The following FAF2 variants were observed in gnomAD, a reference collection of about 807,000 sequenced individuals.
FAF2 encodes Fas associated factor family member 2.
Under a neutral mutation model 62.3 loss-of-function variants are expected in FAF2, and 9 were observed. The ratio of observed to expected loss-of-function variants is 0.14; its 90% confidence interval spans 0.09 to 0.25. The LOEUF (loss-of-function observed/expected upper bound fraction) is 0.25, where lower values mean the gene tolerates loss of function less well. Among genes scored for constraint, FAF2 ranks in the 10% least tolerant of loss-of-function variants. The pLI, the probability that FAF2 is intolerant of heterozygous loss-of-function variation, is 1.00. For synonymous variants in FAF2, 202 were observed against 198.0 expected, an observed-to-expected ratio of 1.02 and a Z score of -0.17; for missense variants, 368 against 556.2, an observed-to-expected ratio of 0.66 and a Z score of 3.40.
At chr5:176,482,108 A>G (rs925536040) in intron 2 of FAF2, among the ~76,000 whole-genome samples, 1 of 152,050 alleles carries the variant, frequency 6.6e-6, no homozygotes, top group Non-Finnish European at 1.5e-5. Flanking sequence ...ATGATGTTGA[A>G]TATTTTTTCA....
chr5:176,460,782 C>T (rs1375754926), intron 1 of FAF2, among the ~76,000 whole-genome samples: 2 of 151,984 alleles, frequency 1.3e-5, no homozygotes, highest in African/African-American at 2.4e-5. Flanking sequence ...AAGACCCCAA[C>T]TGTACCAAAA....
intron 1 of FAF2, among the ~76,000 whole-genome samples, chr5:176,452,511 A>G (rs1188530704): frequency 6.6e-6 from 1 of 152,248 alleles, no homozygotes; most frequent in Non-Finnish European, 1.5e-5. Flanking sequence ...TGATTAAGCT[A>G]CTAGGTAGTG....
At chr5:176,459,270 T>TTC (rs398000012) in intron 1 of FAF2, among the ~76,000 whole-genome samples, 1 of 143,206 alleles carries the variant, frequency 7.0e-6, no homozygotes, top group Non-Finnish European at 1.5e-5. Context: ...TTTTTTTTTT[T>TTC]CTTTTTGAGA....
chr5:176,509,513 G>A lies in FAF2; in HGVS notation c.*2563G>A, dbSNP rs1477432838. The A allele has an allele frequency of 1.3e-5, 2 of 152,454 alleles. No individual in the cohort carries two copies. Among genetic ancestry groups the A allele is most frequent in the Non-Finnish European group, 2.9e-5 (2 of 68,048 alleles). 9.4% of individuals were successfully genotyped at this position (152,454 alleles called of 1,614,324 possible). A position where few individuals can be genotyped will look rare whatever the true frequency, so the allele number is the denominator to read the frequency against. ...TCCCACGACTGAAGTTGTAGATTGA[G>A]CTGAATAACCATGGGAAGTGACCAA... On this transcript the variant is annotated 3_prime_UTR_variant, in exon 11 of 11. Transcript: ENST00000261942.
chr5:176,496,620 A>G lies in FAF2; in HGVS notation c.796A>G (p.Met266Val), dbSNP rs1227307624. ...CCTCATTAACCAACTGACATTTATC[A>G]TGGATGCTAACCAGACTTACCTGGT... Reference protein sequence around the residue: ...DDLINQLTFIMDANQTYLVSE... With the variant: ...DDLINQLTFIVDANQTYLVSE... The change falls in exon 8 of 11, where the codon ATG becomes GTG. Residue 266 changes from methionine to valine, a missense_variant. Coordinates refer to ENST00000261942, the MANE Select transcript of FAF2 (RefSeq NM_014613.3). 1.2e-6 allele frequency: 2 copies of G among 1,610,510 alleles called. No individual in the cohort carries two copies. The highest frequency in any genetic ancestry group is 1.3e-5 in the African/African-American group (1 of 74,672).
chr5:176,457,751 G>A (rs990338539), intron 1 of FAF2, among the ~76,000 whole-genome samples: 2 of 152,136 alleles, frequency 1.3e-5, no homozygotes, highest in Non-Finnish European at 2.9e-5. Context: ...GGGCCTGTGT[G>A]TGGGCCTTGG....
intron 1 of FAF2, among the ~76,000 whole-genome samples, chr5:176,478,236 G>A (rs1208491004): frequency 6.6e-6 from 1 of 152,146 alleles, no homozygotes; most frequent in African/African-American, 2.4e-5. Flanking sequence ...CAGCACTTTG[G>A]GAGGCCAAGG....
chr5:176,480,279 A>C (rs1397099516), intron 2 of FAF2, among the ~76,000 whole-genome samples: 1 of 150,804 alleles, frequency 6.6e-6, no homozygotes, highest in Admixed American at 6.6e-5. Context: ...ATTCCTAAAA[A>C]CGTGTTCCCT....
chr5:176,500,028 A>G lies in FAF2; in HGVS notation c.1037A>G (p.Lys346Arg), dbSNP rs1755568246. The change falls in exon 10 of 11, where the codon AAG becomes AGG. Residue 346 changes from lysine to arginine, a missense_variant. This residue lies in a region of FAF2 where 331 missense variants were observed against 441.9 expected (regional missense o/e 0.75). Transcript: ENST00000261942. ...RQNLQEEKER[K>R]LECLPPEPSP... Reference sequence around the variant, plus strand: ...AATTTACAGGAGGAAAAGGAAAGGAAGTTGGAATGCCTGCCCCCTGAACCT... The same window carrying G: ...AATTTACAGGAGGAAAAGGAAAGGAGGTTGGAATGCCTGCCCCCTGAACCT... The G allele has an allele frequency of 1.9e-6, 3 of 1,614,036 alleles. No individual in the cohort carries two copies. In the South Asian group the frequency reaches 3.3e-5, roughly 18 times the overall value.
At chr5:176,451,799 CATATATATAT>C (rs200877520) in intron 1 of FAF2, among the ~76,000 whole-genome samples, 1 of 47,592 alleles carries the variant, frequency 2.1e-5, no homozygotes, top group African/African-American at 8.8e-5. Context: ...TATATATATA[CATATATATAT>C]ACACACATAT....
chr5:176,492,286 A>G lies in FAF2; in HGVS notation c.437A>G (p.Lys146Arg), dbSNP rs1758985858. ...IVSFMHSFEE[K>R]YGRAHPVFYQ... ...TCATTTATGCACTCTTTTGAAGAGA[A>G]ATATGGGAGGGCACACCCTGTCTTC... The change falls in exon 5 of 11, where the codon AAA (lysine) becomes AGA (arginine). Residue 146 changes from lysine (K) to arginine (R), a missense_variant. This residue lies in a region of FAF2 where 331 missense variants were observed against 441.9 expected (regional missense o/e 0.75). Coordinates refer to ENST00000261942, the MANE Select transcript of FAF2 (RefSeq NM_014613.3). 4 of 1,614,088 alleles carry G rather than the reference A, an allele frequency of 2.5e-6. No homozygotes were observed. Among genetic ancestry groups the G allele is most frequent in the Non-Finnish European group, 3.4e-6 (4 of 1,180,044 alleles).
chr5:176,466,285 C>G (rs892106149), intron 1 of FAF2, among the ~76,000 whole-genome samples: 1 of 152,182 alleles, frequency 6.6e-6, no homozygotes, highest in Non-Finnish European at 1.5e-5. Flanking sequence ...TAAAGCAAAG[C>G]AAAGCTGTCT....
intron 2 of FAF2, among the ~76,000 whole-genome samples, chr5:176,479,728 G>A (rs574618596): frequency 6.6e-6 from 1 of 151,348 alleles, no homozygotes; most frequent in Admixed American, 6.6e-5. Flanking sequence ...ACAAAGTCTC[G>A]CTCCGTCTCC....
intron 1 of FAF2, among the ~76,000 whole-genome samples, chr5:176,473,669 GTTTA>G (rs772988164): frequency 1.6e-4 from 24 of 152,172 alleles, no homozygotes; most frequent in Admixed American, 9.8e-4. Flanking sequence ...ATTCTCCCCA[GTTTA>G]TTTATTCAGC....
At chr5:176,506,003 A>G (rs1402866300) in intron 10 of FAF2, among the ~76,000 whole-genome samples, 1 of 152,060 alleles carries the variant, frequency 6.6e-6, no homozygotes, top group African/African-American at 2.4e-5. Context: ...ATCCTGGCTA[A>G]CACGGTGAAA....
intron 1 of FAF2, among the ~76,000 whole-genome samples, chr5:176,476,478 C>T (rs1192222445): frequency 6.6e-6 from 1 of 151,984 alleles, no homozygotes; most frequent in African/African-American, 2.4e-5. Context: ...AGAGAACTTA[C>T]ATTACACCCT....
In FAF2 at chr5:176,499,886, G is replaced by T. The variant is rs1755565884; in HGVS notation, c.1012-117G>T. 4.8e-6 allele frequency: 6 copies of T among 1,250,720 alleles called. No individual in the cohort carries two copies. The East Asian group carries it at 1.4e-4, about 29-fold the overall frequency. 77.5% of individuals were successfully genotyped at this position (1,250,720 alleles called of 1,614,324 possible). On this transcript the variant is annotated intron_variant, in intron 9 of 10. Transcript: ENST00000261942. ...GGTTGTTTTTGACTATTCCTGAGAG[G>T]TTTTTCTTAGAATACTTAGTCATTA...
chr5:176,451,859 C>CATAT (rs762788477), intron 1 of FAF2, among the ~76,000 whole-genome samples: 23 of 32,928 alleles, frequency 7.0e-4, no homozygotes, highest in East Asian at 1.3e-3. Flanking sequence ...TATATATACA[C>CATAT]ATATATATAT....
At chr5:176,475,903 C>A (rs1758680530) in intron 1 of FAF2, among the ~76,000 whole-genome samples, 1 of 152,136 alleles carries the variant, frequency 6.6e-6, no homozygotes, top group African/African-American at 2.4e-5. Context: ...CAGGAAAATT[C>A]TACAAATTTG....
Sources: allele counts gnomAD v4.1 joint callset (sites outside exome capture counted in the v4.1 genomes callset), GRCh38; gene constraint gnomAD v4.1.1; regional missense constraint gnomAD v4.1.1; transcripts MANE v1.5; gene names NCBI Gene and HGNC (gene_info 2026-07-23, HGNC 2026-07-21).